Variants in TMEM268 observed in about 807,000 individuals in gnomAD.
The protein encoded by TMEM268 is transmembrane protein C9orf91.
A neutral mutation model predicts 39.1 loss-of-function variants in TMEM268; 24 were observed. The observed-to-expected ratio is 0.61, with a 90% CI of 0.44 to 0.86. TMEM268 has a LOEUF of 0.86. Among genes scored for constraint, TMEM268 ranks in the 40% least tolerant of loss-of-function variants. The pLI is 0.00. For synonymous variants in TMEM268, 176 were observed against 173.5 expected (o/e 1.01, Z -0.12); for missense variants, 409 against 428.6 (o/e 0.95, Z 0.40).
At chr9:114,626,422 T>A (rs186278332) in intron 3 of TMEM268, among the ~76,000 whole-genome samples, 2 of 152,390 alleles carry the variant, frequency 1.3e-5, no homozygotes, top group East Asian at 3.9e-4. Context: ...GTGGCAACTC[T>A]ATATTGAGTG....
At chr9:114,618,940 T>C (rs1010181371) in intron 2 of TMEM268, among the ~76,000 whole-genome samples, 2 of 152,248 alleles carry the variant, frequency 1.3e-5, no homozygotes, top group Non-Finnish European at 2.9e-5. Context: ...CCATAGTAGA[T>C]GCTCAATCAA....
chr9:114,638,429 T>C, intron 7 of TMEM268, 115 bp from the exon 8 acceptor site: 4 of 680,632 alleles, frequency 5.9e-6, no homozygotes, highest in Non-Finnish European at 9.6e-6. Flanking sequence ...TCTGAGGTCA[T>C]CATCTGAGTC....
intron 8 of TMEM268, among the ~76,000 whole-genome samples, chr9:114,640,488 T>C (rs1359257357): frequency 6.6e-6 from 1 of 152,234 alleles, no homozygotes; most frequent in African/African-American, 2.4e-5. Context: ...AGGTATGAAT[T>C]ATTTTCCCTT....
upstream of TMEM268, among the ~76,000 whole-genome samples, chr9:114,610,149 C>T (rs1482548713): frequency 1.3e-5 from 2 of 152,030 alleles, no homozygotes; most frequent in Non-Finnish European, 2.9e-5. Flanking sequence ...AAGCGATTCT[C>T]CTGCCTCAGT....
chr9:114,621,103 T>C (rs1291580592), intron 2 of TMEM268, among the ~76,000 whole-genome samples: 2 of 152,014 alleles, frequency 1.3e-5, no homozygotes, highest in Non-Finnish European at 2.9e-5. Flanking sequence ...TTTGGGAGGC[T>C]GACATGGAAG....
At chr9:114,619,124 G>GTA (rs2133609381) in intron 2 of TMEM268, among the ~76,000 whole-genome samples, 1 of 152,350 alleles carries the variant, frequency 6.6e-6, no homozygotes, top group Non-Finnish European at 1.5e-5. Flanking sequence ...CAATGTGTGT[G>GTA]TATATATGTA....
chr9:114,630,279 T>TCCATCC (rs1554758354), intron 5 of TMEM268, among the ~76,000 whole-genome samples: 80,375 of 147,972 alleles, frequency 0.54, 22,121 homozygotes, highest in East Asian at 0.6. Context: ...AATATATATC[T>TCCATCC]ATCCATCCAT....
At chr9:114,626,711 T>A (rs1186592698) in intron 3 of TMEM268, among the ~76,000 whole-genome samples, 188 bp from the exon 4 acceptor site, 1 of 152,114 alleles carries the variant, frequency 6.6e-6, no homozygotes, top group Non-Finnish European at 1.5e-5. Context: ...CTTCTCCAGA[T>A]GTCATGATGC....
rs1347833844 is a variant in TMEM268, at chr9:114,633,815, C to A, written c.522C>A (p.Leu174=). Residue 174 remains leucine, a synonymous_variant, in exon 6 of 9, where the codon CTC becomes CTA. Coordinates refer to ENST00000288502, the MANE Select transcript of TMEM268 (RefSeq NM_153045.4). ...DLRLAAANGA[L]LRHRVLLGVT... ...GGCTGGCAGCTGCCAATGGAGCCCTCCTGAGACACCGGGTGCTGCTGGGGG... is the reference window on the plus strand; with the variant it reads ...GGCTGGCAGCTGCCAATGGAGCCCTACTGAGACACCGGGTGCTGCTGGGGG... 2 of 1,606,542 alleles carry A rather than the reference C, an allele frequency of 1.2e-6. No individual in the cohort carries two copies. The highest frequency in any genetic ancestry group is 1.3e-5 in the African/African-American group (1 of 74,676).
Position 114,643,539 on chromosome 9 carries a change from T to C in TMEM268, c.*226T>C. On this transcript the variant is annotated 3_prime_UTR_variant, in exon 9 of 9. Coordinates refer to ENST00000288502, the MANE Select transcript of TMEM268 (RefSeq NM_153045.4). ...ACCCCCTGGCCTTTGCAGAAGCTGA[T>C]GGTTACAGAGCTAGTCCCACCAAAG... The C allele has an allele frequency of 1.8e-6, 1 of 551,920 alleles. No homozygotes were observed. Among genetic ancestry groups the C allele is most frequent in the Non-Finnish European group, 3.3e-6 (1 of 307,460 alleles). 34.2% of individuals were successfully genotyped at this position (551,920 alleles called of 1,614,324 possible).
At chr9:114,630,933 C>G (rs77340940) in intron 5 of TMEM268, among the ~76,000 whole-genome samples, 1 of 151,762 alleles carries the variant, frequency 6.6e-6, no homozygotes, top group African/African-American at 2.4e-5. Context: ...AGCATCCTCT[C>G]TGTTGTTACT....
chr9:114,627,329 G>A (rs1390464495), intron 4 of TMEM268, among the ~76,000 whole-genome samples: 1 of 152,058 alleles, frequency 6.6e-6, no homozygotes, highest in Non-Finnish European at 1.5e-5. Context: ...TCCGGAACTT[G>A]GTTTCCCCAT....
At chr9:114,605,947 A>G in the TMEM268 span, among the ~76,000 whole-genome samples, 1 of 151,778 alleles carries the variant, frequency 6.6e-6, no homozygotes, top group Non-Finnish European at 1.5e-5. Context: ...ACAAAAAAGA[A>G]AAGAAAATAA....
At chr9:114,606,880 A>C (rs1176931690), upstream of TMEM268, among the ~76,000 whole-genome samples, 1 of 152,142 alleles carries the variant, frequency 6.6e-6, no homozygotes, top group African/African-American at 2.4e-5. Flanking sequence ...AAAACCAAAA[A>C]ACACCAAGAT....
intron 8 of TMEM268, among the ~76,000 whole-genome samples, chr9:114,639,856 A>T (rs928785330): frequency 6.7e-6 from 1 of 149,246 alleles, no homozygotes; most frequent in African/African-American, 2.4e-5. Flanking sequence ...AAGTCCTAGG[A>T]TTACAGGCAT....
upstream of TMEM268, among the ~76,000 whole-genome samples, chr9:114,609,548 G>A (rs1338810001): frequency 6.6e-6 from 1 of 151,592 alleles, no homozygotes; most frequent in East Asian, 1.9e-4. Flanking sequence ...AGCCGGGAGT[G>A]GTGGCATGCA....
At chr9:114,609,730 A>AGAAAAAGAAG (rs1659531829), upstream of TMEM268, among the ~76,000 whole-genome samples, 1 of 106,012 alleles carries the variant, frequency 9.4e-6, no homozygotes, top group Non-Finnish European at 1.8e-5. Flanking sequence ...AAAAAGAAAA[A>AGAAAAAGAAG]GAAGGAAGGA....
chr9:114,636,154 A>C (rs930989510), intron 6 of TMEM268, among the ~76,000 whole-genome samples: 11 of 152,122 alleles, frequency 7.2e-5, no homozygotes, highest in African/African-American at 1.9e-4. Context: ...TGTGGTCTTG[A>C]CAGGTTGTCG....
Position 114,611,574 on chromosome 9 carries a change from C to CG in TMEM268, c.-79+11dup, listed in dbSNP as rs1454146396. 1 of 159,010 alleles carries CG rather than the reference C, an allele frequency of 6.3e-6. No individual in the cohort carries two copies. Among genetic ancestry groups the CG allele is most frequent in the African/African-American group, 2.4e-5 (1 of 41,030 alleles). 9.8% of individuals were successfully genotyped at this position (159,010 alleles called of 1,614,324 possible). A position where few individuals can be genotyped will look rare whatever the true frequency, so the allele number is the denominator to read the frequency against. Reference sequence around the variant, plus strand: ...GGCGGCGGCGCGGGCGGTGAGTGTGCGCGGGCCCGGGCGCGCGCCCGTGTC... The same window carrying CG: ...GGCGGCGGCGCGGGCGGTGAGTGTGCGGCGGGCCCGGGCGCGCGCCCGTGTC... On this transcript the variant is annotated intron_variant, in intron 1 of 8. Transcript: ENST00000288502.
Sources: gnomAD v4.1 joint callset for allele counts (sites outside exome capture counted in the v4.1 genomes callset) on GRCh38, gnomAD v4.1.1 for gene constraint, MANE v1.5 for transcripts, NCBI Gene and HGNC (gene_info 2026-07-23, HGNC 2026-07-21) for gene names.